Variants in CCDC144A observed in about 807,000 individuals in gnomAD.
The protein encoded by CCDC144A is coiled-coil domain-containing protein 144A.
A neutral mutation model predicts 143.8 loss-of-function variants in CCDC144A; 41 were observed. The ratio of observed to expected loss-of-function variants is 0.29; its 90% confidence interval spans 0.22 to 0.37. The LOEUF is 0.37. Ranked by LOEUF, CCDC144A falls within the 10% of genes least tolerant of loss-of-function variation. The probability of loss-of-function intolerance (pLI) is 1.00; values close to 1 mark genes in which losing one functional copy is unlikely to be tolerated. For synonymous variants in CCDC144A, 242 were observed against 517.9 expected (o/e 0.47, Z 7.23); for missense variants, 637 against 1,488.8 (o/e 0.43, Z 9.41).
intron 6 of CCDC144A, among the ~76,000 whole-genome samples, chr17:16,719,941 C>A (rs1261876322): frequency 6.6e-6 from 1 of 152,024 alleles, no homozygotes; most frequent in Non-Finnish European, 1.5e-5. Context: ...AAATCTTGAC[C>A]TAAATTTAAT....
rs1214440933 is a variant in CCDC144A, at chr17:16,775,801, T to C, written c.*2168T>C. 6.6e-6 allele frequency: 1 copy of C among 152,266 alleles called. No individual in the cohort carries two copies. Among genetic ancestry groups the C allele is most frequent in the Non-Finnish European group, 1.5e-5 (1 of 68,060 alleles). 9.4% of individuals were successfully genotyped at this position (152,266 alleles called of 1,614,324 possible). On this transcript the variant is annotated 3_prime_UTR_variant, in exon 17 of 17. Coordinates refer to ENST00000399273, the MANE Select transcript of CCDC144A (RefSeq NM_001382000.1). ...GCCCTTGCCTGTGTCCTGAATGGCA[T>C]TGCCTAGGTTTTCTTCCAGGATTTT...
chr17:16,738,019 C>A (rs971873883), intron 12 of CCDC144A, among the ~76,000 whole-genome samples: 29 of 151,516 alleles, frequency 1.9e-4, no homozygotes, highest in African/African-American at 6.6e-4. Context: ...GTGAGGCAAG[C>A]CAGATTAAAT....
At chr17:16,717,196 C>T (rs535904410) in intron 6 of CCDC144A, among the ~76,000 whole-genome samples, 13 of 149,356 alleles carry the variant, frequency 8.7e-5, no homozygotes, top group Non-Finnish European at 1.6e-4. Flanking sequence ...CTCTCTGCAA[C>T]CTCCAGCTCC....
chr17:16,759,672 C>CGG (rs1555536279), intron 12 of CCDC144A, among the ~76,000 whole-genome samples: 1 of 152,040 alleles, frequency 6.6e-6, no homozygotes, highest in Non-Finnish European at 1.5e-5. Flanking sequence ...CTTTAAAACT[C>CGG]TTCTTGTTTT....
At chr17:16,743,145 C>T (rs971099912) in intron 12 of CCDC144A, among the ~76,000 whole-genome samples, 42 of 152,252 alleles carry the variant, frequency 2.8e-4, no homozygotes, top group African/African-American at 1.0e-3. Context: ...GATAACTTAG[C>T]TATAAAATCT....
intron 12 of CCDC144A, among the ~76,000 whole-genome samples, chr17:16,750,903 C>T (rs569729873): frequency 5.9e-5 from 9 of 152,252 alleles, no homozygotes; most frequent in African/African-American, 1.9e-4. Flanking sequence ...AAAAATGGCT[C>T]TGTCGTGTTT....
At position 16,752,167 on chromosome 17, in the gene CCDC144A, G is replaced by A. The variant is rs556819265; in HGVS notation, c.3373-9258G>A. ...GAGTGAGCATTACCACGTGAGCTTC[G>A]CCTCTTGTCACATCAGTAGCGGCAT... On this transcript the variant is annotated intron_variant, in intron 12 of 16. Transcript: ENST00000399273. Among the ~76,000 whole-genome samples the A allele has an allele frequency of 2.7e-3, 411 of 152,270 alleles. 5 individuals carry two copies. The highest frequency in any genetic ancestry group is 5.9e-3 in the Admixed American group (90 of 15,294).
chr17:16,756,899 G>C (rs1291334204), intron 12 of CCDC144A, among the ~76,000 whole-genome samples: 2 of 152,232 alleles, frequency 1.3e-5, no homozygotes, highest in African/African-American at 2.4e-5. Context: ...CAACATCAGC[G>C]TCTGTAAGTT....
rs576759110 is a variant in CCDC144A, at chr17:16,745,548, C to T, written c.3372+9905C>T. The T allele has an allele frequency of 1.7e-5, 23 of 1,330,062 alleles. No individual in the cohort carries two copies. In the East Asian group the frequency reaches 3.5e-4, roughly 20 times the overall value. The allele number at this position is 1,330,062 out of a possible 1,614,324, so 82.4% of individuals were successfully genotyped here. On this transcript the variant is annotated intron_variant, in intron 12 of 16. Coordinates refer to ENST00000399273, the MANE Select transcript of CCDC144A (RefSeq NM_001382000.1). ...CCAGTTTCCTGGTAAGGAATAAGTT[C>T]TCCTTCCCAGTCACACTCGGGGTCA...
the CCDC144A span, among the ~76,000 whole-genome samples, chr17:16,677,786 A>G: frequency 6.6e-6 from 1 of 151,760 alleles, no homozygotes; most frequent in Non-Finnish European, 1.5e-5. Flanking sequence ...CAGCCTGGGT[A>G]TCAGAGTGAA....
chr17:16,726,231 A>T (rs1214885031), intron 8 of CCDC144A, among the ~76,000 whole-genome samples: 4 of 150,726 alleles, frequency 2.7e-5, no homozygotes, highest in African/African-American at 7.4e-5. Flanking sequence ...ACAAAAAAAA[A>T]TTAGCCGGGC....
At chr17:16,692,742 G>C (rs1227883257) in intron 1 of CCDC144A, among the ~76,000 whole-genome samples, 1 of 151,554 alleles carries the variant, frequency 6.6e-6, no homozygotes, top group African/African-American at 2.4e-5. Flanking sequence ...ATTATGCCAA[G>C]CTAATGTGAG....
chr17:16,760,024 G>A (rs1371471775), intron 12 of CCDC144A, among the ~76,000 whole-genome samples: 2 of 152,230 alleles, frequency 1.3e-5, no homozygotes, highest in East Asian at 1.9e-4. Context: ...GGGACGTTAG[G>A]TAGGGAAGTC....
chr17:16,711,957 C>G, intron 6 of CCDC144A, 142 bp downstream of exon 6: 1 of 894,292 alleles, frequency 1.1e-6, no homozygotes, highest in East Asian at 2.8e-5. Flanking sequence ...ATGGATAAAC[C>G]CCATCTCTAC....
intron 12 of CCDC144A, among the ~76,000 whole-genome samples, chr17:16,737,249 C>T (rs1378321404): frequency 7.0e-6 from 1 of 142,194 alleles, no homozygotes; most frequent in Non-Finnish European, 1.5e-5. Context: ...TCACTGCAAG[C>T]TCCGCCTCCC....
At chr17:16,763,647 A>G (rs552985990) in intron 14 of CCDC144A, among the ~76,000 whole-genome samples, 1 of 152,364 alleles carries the variant, frequency 6.6e-6, no homozygotes, top group African/African-American at 2.4e-5. Flanking sequence ...TAAGAATCAT[A>G]TAAGTAGAGT....
At chr17:16,756,279 C>G (rs1215242015) in intron 12 of CCDC144A, among the ~76,000 whole-genome samples, 1 of 152,248 alleles carries the variant, frequency 6.6e-6, no homozygotes, top group Non-Finnish European at 1.5e-5. Flanking sequence ...ATACCACATA[C>G]ACTGTCTTCA....
chr17:16,703,209 G>T (rs1279244553), intron 2 of CCDC144A, among the ~76,000 whole-genome samples: 1 of 151,834 alleles, frequency 6.6e-6, no homozygotes, highest in Non-Finnish European at 1.5e-5. Context: ...TTACATATGT[G>T]TATGGTCATA....
upstream of CCDC144A, among the ~76,000 whole-genome samples, chr17:16,685,459 C>T (rs1368739620): frequency 6.6e-6 from 1 of 152,178 alleles, no homozygotes; most frequent in Non-Finnish European, 1.5e-5. Flanking sequence ...CGGCTCACTG[C>T]AAACTCCGCC....
Sources: gnomAD v4.1 joint callset for allele counts (sites outside exome capture counted in the v4.1 genomes callset) on GRCh38, gnomAD v4.1.1 for gene constraint, MANE v1.5 for transcripts, NCBI Gene and HGNC (gene_info 2026-07-23, HGNC 2026-07-21) for gene names.